Variants in ITGBL1 observed in about 807,000 individuals in gnomAD.
ITGBL1 encodes integrin subunit beta like 1.
ITGBL1 carries 51 observed loss-of-function variants against 68.5 expected under a neutral mutation model. The ratio of observed to expected loss-of-function variants is 0.74; its 90% CI spans 0.59 to 0.94. ITGBL1 has a LOEUF of 0.94. ITGBL1 is among the 40% of genes least tolerant of loss of function. The probability of loss-of-function intolerance (pLI) is 0.00; values close to 1 mark genes in which losing one functional copy is unlikely to be tolerated. For missense variants in ITGBL1, 649 were observed against 647.4 expected (o/e 1.00, Z -0.03); for synonymous variants, 209 against 227.3 (o/e 0.92, Z 0.72).
At chr13:101,498,735 A>G (rs1035407190) in intron 2 of ITGBL1, among the ~76,000 whole-genome samples, 9 of 152,194 alleles carry the variant, frequency 5.9e-5, no homozygotes, top group Admixed American at 1.3e-4. Context: ...GCCTAATAGC[A>G]TGAACGGCCG....
At chr13:101,672,444 A>T (rs1594970418) in intron 7 of ITGBL1, among the ~76,000 whole-genome samples, 2 of 152,234 alleles carry the variant, frequency 1.3e-5, no homozygotes, top group African/African-American at 4.8e-5. Context: ...GGAAGAAACT[A>T]CCTGGGAATA....
chr13:101,588,433 T>C (rs548355878), intron 6 of ITGBL1, among the ~76,000 whole-genome samples: 30 of 152,258 alleles, frequency 2.0e-4, no homozygotes, highest in African/African-American at 7.2e-4. Flanking sequence ...ATTTCATTGA[T>C]CTTCTGCCTA....
intron 7 of ITGBL1, among the ~76,000 whole-genome samples, chr13:101,654,879 G>C (rs969256805): frequency 6.6e-6 from 1 of 152,004 alleles, no homozygotes; most frequent in Non-Finnish European, 1.5e-5. Flanking sequence ...AGAAGAAAGG[G>C]TCAAAGCAGT....
intron 7 of ITGBL1, among the ~76,000 whole-genome samples, chr13:101,674,092 G>T (rs992476619): frequency 2.0e-5 from 3 of 152,192 alleles, no homozygotes; most frequent in Admixed American, 6.5e-5. Context: ...AGGCCATGAA[G>T]AAAGCGTTTT....
chr13:101,501,945 T>A (rs949120009), intron 2 of ITGBL1, among the ~76,000 whole-genome samples: 5 of 152,142 alleles, frequency 3.3e-5, no homozygotes, highest in African/African-American at 1.2e-4. Context: ...GAAGGTTGAA[T>A]GTAAGCCAGT....
intron 7 of ITGBL1, among the ~76,000 whole-genome samples, chr13:101,658,413 T>C (rs748078225): frequency 5.9e-5 from 9 of 152,218 alleles, no homozygotes; most frequent in Non-Finnish European, 2.9e-5. Flanking sequence ...TAATAAGGAA[T>C]TTTCTGCCTT....
intron 2 of ITGBL1, among the ~76,000 whole-genome samples, chr13:101,526,134 T>TTTCTTC (rs199659168): frequency 2.7e-4 from 38 of 140,360 alleles, no homozygotes; most frequent in African/African-American, 8.6e-4. Flanking sequence ...CAAAGGCTAG[T>TTTCTTC]TTCTTCTTCT....
intron 6 of ITGBL1, among the ~76,000 whole-genome samples, chr13:101,586,219 T>G (rs1050011291): frequency 1.3e-5 from 2 of 152,184 alleles, no homozygotes; most frequent in Non-Finnish European, 2.9e-5. Context: ...TTTTCTCACA[T>G]TTTCCTTTCT....
intron 5 of ITGBL1, among the ~76,000 whole-genome samples, chr13:101,581,502 CCTT>C (rs1255167303): frequency 2.0e-5 from 3 of 152,064 alleles, no homozygotes; most frequent in African/African-American, 7.2e-5. Context: ...CCCTGTATTT[CCTT>C]CTTATTAAAG....
intron 7 of ITGBL1, among the ~76,000 whole-genome samples, 177 bp downstream of exon 7, chr13:101,598,476 G>A (rs958208042): frequency 2.6e-5 from 4 of 151,004 alleles, no homozygotes; most frequent in South Asian, 4.2e-4. Context: ...GTGTACATGT[G>A]CGCAATGTGC....
chr13:101,677,329 T>G (rs2033529711), intron 7 of ITGBL1, among the ~76,000 whole-genome samples: 1 of 150,676 alleles, frequency 6.6e-6, no homozygotes, highest in Non-Finnish European at 1.5e-5. Flanking sequence ...CTTTTACTCT[T>G]TAGGTTATAT....
chr13:101,640,818 A>AT (rs1325778812), intron 7 of ITGBL1, among the ~76,000 whole-genome samples: 1 of 151,974 alleles, frequency 6.6e-6, no homozygotes, highest in Non-Finnish European at 1.5e-5. Context: ...TATTGTTCCC[A>AT]TTTTTATGCC....
chr13:101,511,475 G>A (rs2049114740), intron 2 of ITGBL1, among the ~76,000 whole-genome samples: 1 of 152,106 alleles, frequency 6.6e-6, no homozygotes, highest in African/African-American at 2.4e-5. Flanking sequence ...ATACACAAAG[G>A]TGAAAGGATT....
intron 7 of ITGBL1, among the ~76,000 whole-genome samples, chr13:101,665,374 TTA>T (rs1432013951): frequency 2.0e-5 from 3 of 152,018 alleles, no homozygotes; most frequent in Non-Finnish European, 4.4e-5. Context: ...TTTCTGTTTT[TTA>T]TATGTTATTA....
At chr13:101,645,503 A>C (rs1201359483) in intron 7 of ITGBL1, among the ~76,000 whole-genome samples, 1 of 152,100 alleles carries the variant, frequency 6.6e-6, no homozygotes, top group Admixed American at 6.6e-5. Context: ...CCTGAAAAAA[A>C]AAATTTGTCT....
Position 101,514,404 on chromosome 13 carries a change from C to T in ITGBL1, c.317-53295C>T, listed in dbSNP as rs1594858259. Among the ~76,000 whole-genome samples, 4 of 152,156 alleles carry T rather than the reference C, an allele frequency of 2.6e-5. No individual in the cohort carries two copies. The South Asian group carries it at 6.2e-4, about 24-fold the overall frequency. On this transcript the variant is annotated intron_variant, in intron 2 of 10. Transcript: ENST00000376180. Reference sequence around the variant, plus strand: ...ACTAATCACTTTAGAAGTGCATAAACACTTCTAAGTCACAAAGGTGCTGTT... The same window carrying T: ...ACTAATCACTTTAGAAGTGCATAAATACTTCTAAGTCACAAAGGTGCTGTT...
intron 7 of ITGBL1, among the ~76,000 whole-genome samples, chr13:101,687,124 T>A (rs1174614794): frequency 6.6e-6 from 1 of 152,064 alleles, no homozygotes; most frequent in Admixed American, 6.6e-5. Flanking sequence ...TTCCTCCACA[T>A]TTTTTGGTAG....
intron 2 of ITGBL1, among the ~76,000 whole-genome samples, chr13:101,471,503 AAT>A (rs1179551204): frequency 2.9e-5 from 4 of 137,106 alleles, no homozygotes; most frequent in African/African-American, 5.7e-5. Context: ...AGGCAACACA[AAT>A]ATATATGTGT....
chr13:101,639,070 CAG>C (rs2032276365), intron 7 of ITGBL1, among the ~76,000 whole-genome samples: 1 of 152,162 alleles, frequency 6.6e-6, no homozygotes, highest in Non-Finnish European at 1.5e-5. Flanking sequence ...GGTTTTCTCT[CAG>C]AAACGCCCCA....
Sources: allele counts gnomAD v4.1 joint callset (sites outside exome capture counted in the v4.1 genomes callset), GRCh38; gene constraint gnomAD v4.1.1; transcripts MANE v1.5; gene names NCBI Gene and HGNC (gene_info 2026-07-23, HGNC 2026-07-21).